The following GLI3 variants were observed in gnomAD, a reference collection of about 807,000 sequenced individuals.
GLI3 encodes the protein transcription activator GLI3.
A neutral mutation model predicts 100.8 loss-of-function variants in GLI3; 20 were observed. The observed-to-expected ratio is 0.20, with a 90% CI of 0.14 to 0.29. The LOEUF (loss-of-function observed/expected upper bound fraction) is 0.29. Among genes scored for constraint, GLI3 ranks in the 10% least tolerant of loss-of-function variants. The pLI, the probability that GLI3 is intolerant of heterozygous loss-of-function variation, is 1.00. For synonymous variants in GLI3, 938 were observed against 860.5 expected, an observed-to-expected ratio of 1.09 and a Z score of -1.58; for missense variants, 2,040 against 2,128.5, an observed-to-expected ratio of 0.96 and a Z score of 0.82.
At chr7:42,103,069 C>T (rs927687958) in intron 3 of GLI3, among the ~76,000 whole-genome samples, 35 of 152,104 alleles carry the variant, frequency 2.3e-4, no homozygotes, top group African/African-American at 7.2e-4. Flanking sequence ...TGAGTGGCTC[C>T]GGCTGAGGGT....
chr7:42,008,501 G>A (rs2128724543), intron 10 of GLI3, among the ~76,000 whole-genome samples: 1 of 152,248 alleles, frequency 6.6e-6, no homozygotes, highest in African/African-American at 2.4e-5. Context: ...GAGCATAGTG[G>A]CTATTCACAA....
intron 11 of GLI3, among the ~76,000 whole-genome samples, chr7:41,978,209 C>T (rs1787561749): frequency 6.6e-6 from 1 of 152,190 alleles, no homozygotes; most frequent in South Asian, 2.1e-4. Flanking sequence ...ACGCCTATGC[C>T]TGAGGACTCA....
chr7:42,250,930 CAG>C (rs1440556221), intron 1 of GLI3, among the ~76,000 whole-genome samples: 9 of 152,184 alleles, frequency 5.9e-5, no homozygotes, highest in African/African-American at 1.9e-4. Flanking sequence ...GCTACAGAAA[CAG>C]GGGACAGACT....
chr7:42,205,085 T>C (rs1304238661), intron 2 of GLI3, among the ~76,000 whole-genome samples: 2 of 152,168 alleles, frequency 1.3e-5, no homozygotes, highest in Non-Finnish European at 2.9e-5. Context: ...ACTGCTGGAA[T>C]TACACCTCAG....
rs1216120611 is a variant in GLI3, at chr7:41,965,251, G to A, written c.3822C>T (p.Ala1274=). 9 of 1,613,536 alleles carry A rather than the reference G, an allele frequency of 5.6e-6. No individual in the cohort carries two copies. The highest frequency in any genetic ancestry group is 4.4e-5 in the South Asian group (4 of 91,068). The change falls in exon 15 of 15, where the codon GCC becomes GCT. Residue 1274 remains alanine (A), a synonymous_variant. Coordinates refer to ENST00000395925, the MANE Select transcript of GLI3 (RefSeq NM_000168.6). ...TCTTCAGCTTTGAGGCTTGAATCCC[G>A]GCACCACAGGCACCGTCGAGTGCAC... ...APGALDGACG[A]GIQASKLKST...
intron 3 of GLI3, chr7:42,145,422 C>A (rs1178494480): frequency 4.0e-5 from 16 of 396,986 alleles, no homozygotes; most frequent in Middle Eastern, 1.2e-3. Flanking sequence ...AAAATCTTTA[C>A]AATTTCTTCA....
chr7:42,101,668 T>TTCTATTTA (rs1554327245), intron 3 of GLI3, among the ~76,000 whole-genome samples: 3 of 147,988 alleles, frequency 2.0e-5, no homozygotes, highest in Admixed American at 2.0e-4. Flanking sequence ...GCTAGTATCT[T>TTCTATTTA]TTTATTTATT....
At chr7:42,008,265 C>T (rs1036491025) in intron 10 of GLI3, among the ~76,000 whole-genome samples, 1 of 152,086 alleles carries the variant, frequency 6.6e-6, no homozygotes, top group Non-Finnish European at 1.5e-5. Flanking sequence ...TTCCTTATAC[C>T]AAGCCTAAAT....
chr7:42,204,093 C>A (rs1788100838), intron 2 of GLI3, among the ~76,000 whole-genome samples: 1 of 152,044 alleles, frequency 6.6e-6, no homozygotes, highest in Admixed American at 6.6e-5. Context: ...GTTTTTAAAG[C>A]AGATGGTATC....
chr7:42,079,144 T>C (rs1411940054), intron 3 of GLI3, among the ~76,000 whole-genome samples: 1 of 152,224 alleles, frequency 6.6e-6, no homozygotes, highest in Non-Finnish European at 1.5e-5. Context: ...GTAATGTAAA[T>C]ATTGAAAGTT....
chr7:42,194,398 G>A (rs551438326), intron 2 of GLI3, among the ~76,000 whole-genome samples: 4 of 152,216 alleles, frequency 2.6e-5, no homozygotes, highest in Admixed American at 1.3e-4. Context: ...ATCTGCTTTC[G>A]GCATTGTTGT....
At chr7:42,019,730 T>A (rs984311921) in intron 10 of GLI3, among the ~76,000 whole-genome samples, 13 of 152,192 alleles carry the variant, frequency 8.5e-5, no homozygotes, top group African/African-American at 3.1e-4. Context: ...TTAGAATGTG[T>A]GCCTTTCAAA....
intron 10 of GLI3, among the ~76,000 whole-genome samples, chr7:42,019,331 C>A (rs1788867111): frequency 6.6e-6 from 1 of 152,166 alleles, no homozygotes. Flanking sequence ...TTTCAGAGAA[C>A]CTGAGACTAA....
intron 1 of GLI3, among the ~76,000 whole-genome samples, chr7:42,251,161 A>G (rs567231061): frequency 6.6e-6 from 1 of 152,320 alleles, no homozygotes; most frequent in Non-Finnish European, 1.5e-5. Flanking sequence ...AACTCCTAAG[A>G]GGGCCTCTGG....
Position 41,964,712 on chromosome 7 carries a change from T to C in GLI3, c.4361A>G (p.Asp1454Gly), listed in dbSNP as rs1787111907. Reference sequence around the variant, plus strand: ...AATAGAGAATGAACCAGCTTTCGTGTCTTGCTGACTGAAGCCCACGGTTTG... The same window carrying C: ...AATAGAGAATGAACCAGCTTTCGTGCCTTGCTGACTGAAGCCCACGGTTTG... Reference protein sequence around the residue: ...YDQTVGFSQQDTKAGSFSISD... With the variant: ...YDQTVGFSQQGTKAGSFSISD... The change falls in exon 15 of 15, where the codon GAC becomes GGC. Residue 1454 changes from aspartate (D) to glycine (G), a missense_variant. Around this residue, in one of 5 missense-constraint regions of GLI3, gnomAD observed 1,041 missense variants for 924.0 expected, o/e 1.13. Transcript: ENST00000395925. 1 of 1,614,080 alleles carries C rather than the reference T, an allele frequency of 6.2e-7. No homozygotes were observed. The highest frequency in any genetic ancestry group is 8.5e-7 in the Non-Finnish European group (1 of 1,180,028).
At chr7:42,128,840 C>T (rs961719425) in intron 3 of GLI3, among the ~76,000 whole-genome samples, 9 of 152,096 alleles carry the variant, frequency 5.9e-5, no homozygotes, top group Non-Finnish European at 1.2e-4. Flanking sequence ...GTGCGGCTGC[C>T]ATTTCCACTC....
intron 2 of GLI3, among the ~76,000 whole-genome samples, chr7:42,201,206 ATC>A (rs58135860): frequency 5.3e-5 from 8 of 151,426 alleles, no homozygotes; most frequent in African/African-American, 1.5e-4. Context: ...AATGTGATAT[ATC>A]TCTCTCTCTC....
chr7:42,148,486 A>G lies in GLI3; in HGVS notation c.125-18T>C. 6.2e-7 allele frequency: 1 copy of G among 1,610,768 alleles called. No individual in the cohort carries two copies. Among genetic ancestry groups the G allele is most frequent in the South Asian group, 1.1e-5 (1 of 91,012 alleles). ...TTCATCCTCTAAAGAAAGAAGAAAA[A>G]TGAAAGACTCTGTAAACTACTTTAA... On this transcript the variant is annotated intron_variant, in intron 2 of 14. Transcript: ENST00000395925.
intron 1 of GLI3, among the ~76,000 whole-genome samples, chr7:42,230,099 G>GGA (rs1491455059): frequency 7.5e-4 from 8 of 10,640 alleles, no homozygotes; most frequent in Non-Finnish European, 1.6e-3. Flanking sequence ...AGGGTTGGGC[G>GGA]GGGGGGGGGG....
Sources: gnomAD v4.1 joint callset for allele counts (sites outside exome capture counted in the v4.1 genomes callset) on GRCh38, gnomAD v4.1.1 for gene constraint, gnomAD v4.1.1 regional missense constraint, MANE v1.5 for transcripts, NCBI Gene and HGNC (gene_info 2026-07-23, HGNC 2026-07-21) for gene names.